ADGRA2: variants seen among roughly 807,000 people sequenced by gnomAD.
The protein encoded by ADGRA2 is adhesion G protein-coupled receptor A2.
A neutral mutation model predicts 98.7 loss-of-function variants in ADGRA2; 61 were observed. The ratio of observed to expected loss-of-function variants is 0.62; its 90% CI spans 0.50 to 0.76. The LOEUF (loss-of-function observed/expected upper bound fraction) is 0.76. Among genes scored for constraint, ADGRA2 ranks in the 30% least tolerant of loss-of-function variants. The pLI, the probability that ADGRA2 is intolerant of heterozygous loss-of-function variation, is 0.00. For missense variants in ADGRA2, 1,712 were observed against 1,860.0 expected (o/e 0.92, Z 1.46); for synonymous variants, 858 against 831.5 (o/e 1.03, Z -0.55).
chr8:37,834,145 G>A lies in ADGRA2; in HGVS notation c.1608+17G>A. ...ATCTCAGTGGTAATGGGGGTCAGCAGAGGGGGTGGCCCTGGCATGCAGAGG... is the reference window on the plus strand; with the variant it reads ...ATCTCAGTGGTAATGGGGGTCAGCAAAGGGGGTGGCCCTGGCATGCAGAGG... On this transcript the variant is annotated intron_variant, in intron 11 of 18. Coordinates refer to ENST00000412232, the MANE Select transcript of ADGRA2 (RefSeq NM_032777.10). This position sits in a 1 kb window ranked among gnomAD's most constrained non-coding sequence, Gnocchi z 4.2. The A allele has an allele frequency of 6.3e-7, 1 of 1,599,770 alleles. No individual in the cohort carries two copies. The highest frequency in any genetic ancestry group is 8.5e-7 in the Non-Finnish European group (1 of 1,172,676).
rs747711074 is a variant in ADGRA2 at position 37,828,970 on chromosome 8, C to T, written c.410+11C>T. 31 of 1,554,672 alleles carry T rather than the reference C, an allele frequency of 2.0e-5. No homozygotes were observed. The highest frequency in any genetic ancestry group is 1.9e-4 in the Middle Eastern group (1 of 5,386). On this transcript the variant is annotated intron_variant, in intron 3 of 18. Transcript: ENST00000412232. ...GGAGCTGAAGCGTTTGTGAGTGGCA[C>T]GCCCTCCCCTGACCCCACCCCTCCC... is the stretch of plus-strand genomic sequence containing the variant.
rs200841231 is a variant in ADGRA2, at chr8:37,833,116, C to T, written c.1204C>T (p.Arg402Trp). ...GGAPGTRASR[R>W]CDRAGRWEPG... ...TGCCCCGGGCACCCGAGCCTCCCGC[C>T]GGTGTGACCGTGCCGGCCGCTGGGA... Residue 402 changes from arginine to tryptophan, a missense_variant, in exon 9 of 19, where the codon CGG (arginine) becomes TGG (tryptophan). Transcript: ENST00000412232. The T allele has an allele frequency of 6.5e-4, 1,048 of 1,613,010 alleles. 1 individual carries two copies. The highest frequency in any genetic ancestry group is 1.7e-3 in the South Asian group (153 of 91,062).
intron 1 of ADGRA2, among the ~76,000 whole-genome samples, chr8:37,799,712 T>C (rs1423466186): frequency 1.3e-5 from 2 of 152,076 alleles, no homozygotes; most frequent in Non-Finnish European, 2.9e-5. Flanking sequence ...CCCAGGCCAC[T>C]GAGCCATCAG....
rs776308461 is a variant in ADGRA2, at chr8:37,838,986, G to A, written c.2290G>A (p.Gly764Ser). 1.3e-6 allele frequency: 2 copies of A among 1,577,280 alleles called. No individual in the cohort carries two copies. The highest frequency in any genetic ancestry group is 1.4e-5 in the African/African-American group (1 of 74,006). ...ELSAFPREVG[G>S]AGAGLHPVVY... The stretch of plus-strand genomic sequence containing the variant: ...GAGCGCCTTTCCCAGGGAGGTGGGG[G>A]GCGCCGGGGCAGGGCTGCACCCCGT... Residue 764 changes from glycine to serine, a missense_variant, in exon 15 of 19, where the codon GGC becomes AGC. Coordinates refer to ENST00000412232, the MANE Select transcript of ADGRA2 (RefSeq NM_032777.10).
rs1354712926 is a variant in ADGRA2, at chr8:37,835,857, GC to G, written c.2050+93del. On this transcript the variant is annotated intron_variant, in intron 13 of 18. Transcript: ENST00000412232. Reference sequence around the variant, plus strand: ...TTATCCTGCCCTTCCCTGGCCCACAGCCCCCCAGTGCCGTAGTGGAACTGAC... The same window carrying G: ...TTATCCTGCCCTTCCCTGGCCCACAGCCCCCAGTGCCGTAGTGGAACTGAC... The G allele has an allele frequency of 3.2e-5, 25 of 786,320 alleles. No individual in the cohort carries two copies. The East Asian group carries it at 5.3e-4, about 17-fold the overall frequency. The allele number at this position is 786,320 out of a possible 1,614,324, so 48.7% of individuals were successfully genotyped here.
In ADGRA2 at chr8:37,797,801, G is replaced by T. The variant is rs1398437794; in HGVS notation, c.266+267G>T. On this transcript the variant is annotated intron_variant, in intron 1 of 18. Transcript: ENST00000412232. The surrounding 1 kb of genome is among the most constrained non-coding windows in gnomAD (Gnocchi z 5.3). Reference sequence around the variant, plus strand: ...GCGCCCACTCACCTGCACAGGTGAAGTGGAGAGCACGCCTGCAGGGCACCC... The same window carrying T: ...GCGCCCACTCACCTGCACAGGTGAATTGGAGAGCACGCCTGCAGGGCACCC... 6.6e-6 allele frequency among the ~76,000 whole-genome samples: 1 copy of T among 152,202 alleles called. No homozygotes were observed.
In ADGRA2 at chr8:37,839,799, G is replaced by C. The variant is rs181895632; in HGVS notation, c.2511+177G>C. On this transcript the variant is annotated intron_variant, in intron 16 of 18. Coordinates refer to ENST00000412232, the MANE Select transcript of ADGRA2 (RefSeq NM_032777.10). The stretch of plus-strand genomic sequence containing the variant: ...GTGGGTCGTGGAGAGTGAAAGTAGG[G>C]GGTGGTAAGAACCAGATCAGAGAGA... 2.6e-5 allele frequency among the ~76,000 whole-genome samples: 4 copies of C among 152,284 alleles called. No individual in the cohort carries two copies. The East Asian group carries it at 7.7e-4, about 29-fold the overall frequency.
intron 1 of ADGRA2, among the ~76,000 whole-genome samples, chr8:37,805,713 C>CA (rs562255173): frequency 5.3e-5 from 8 of 151,838 alleles, no homozygotes; most frequent in African/African-American, 1.4e-4. Flanking sequence ...ACTAAAAATA[C>CA]AAAAAATTAG....
intron 2 of ADGRA2, among the ~76,000 whole-genome samples, chr8:37,828,481 CT>C (rs35779657): frequency 0.042 from 3,493 of 82,886 alleles, 133 homozygotes; most frequent in African/African-American, 0.16. Context: ...GGGGGTGGTT[CT>C]TTTTTTTTTT....
At chr8:37,804,386 G>A (rs1463164414) in intron 1 of ADGRA2, among the ~76,000 whole-genome samples, 1 of 152,198 alleles carries the variant, frequency 6.6e-6, no homozygotes, top group Non-Finnish European at 1.5e-5. Context: ...GGCAGCAGGG[G>A]CCCTGGAGGC....
chr8:37,811,474 CTTT>C (rs34759771), intron 1 of ADGRA2, among the ~76,000 whole-genome samples: 6 of 112,204 alleles, frequency 5.3e-5, no homozygotes, highest in Admixed American at 9.6e-5. Context: ...ACCCAGCCAA[CTTT>C]TTTTTTTTTT....
At chr8:37,822,845 C>A (rs1242955691) in intron 2 of ADGRA2, among the ~76,000 whole-genome samples, 1 of 151,996 alleles carries the variant, frequency 6.6e-6, no homozygotes, top group South Asian at 2.1e-4. Context: ...ATGACTACAC[C>A]ACATTTTGTT....
intron 2 of ADGRA2, among the ~76,000 whole-genome samples, chr8:37,816,789 G>A (rs940165173): frequency 6.6e-6 from 1 of 151,892 alleles, no homozygotes; most frequent in Non-Finnish European, 1.5e-5. Context: ...GGTGGCATGC[G>A]CCTGTAGTCC....
In ADGRA2 at chr8:37,802,056, G is replaced by A. The variant is rs1267240192; in HGVS notation, c.266+4522G>A. On this transcript the variant is annotated intron_variant, in intron 1 of 18. Transcript: ENST00000412232. The surrounding 1 kb of genome is among the most constrained non-coding windows in gnomAD (Gnocchi z 4.7). Reference sequence around the variant, plus strand: ...CCTAGGGGAGAAGAGGCTGTCTGCCGCAGGTGTGCCTAGCACGGGCTGGGT... The same window carrying A: ...CCTAGGGGAGAAGAGGCTGTCTGCCACAGGTGTGCCTAGCACGGGCTGGGT... Among the ~76,000 whole-genome samples, 3 of 152,200 alleles carry A rather than the reference G, an allele frequency of 2.0e-5. No individual in the cohort carries two copies. Among genetic ancestry groups the A allele is most frequent in the Admixed American group, 1.3e-4 (2 of 15,288 alleles).
At chr8:37,809,206 G>T (rs1804757827) in intron 1 of ADGRA2, among the ~76,000 whole-genome samples, 1 of 151,852 alleles carries the variant, frequency 6.6e-6, no homozygotes, top group Non-Finnish European at 1.5e-5. Flanking sequence ...CAAGGTGAGA[G>T]GATTGCTTGA....
chr8:37,803,046 C>T (rs918666581), intron 1 of ADGRA2, among the ~76,000 whole-genome samples: 1 of 152,178 alleles, frequency 6.6e-6, no homozygotes, highest in Admixed American at 6.5e-5. Flanking sequence ...GGCAACCCCT[C>T]GTCCTGGGGG....
At chr8:37,829,728 T>G in intron 5 of ADGRA2, 123 bp from the exon 6 acceptor site, 1 of 1,062,014 alleles carries the variant, frequency 9.4e-7, no homozygotes, top group Non-Finnish European at 1.4e-6. Context: ...GCAGAGATGG[T>G]GCACATAGAC....
chr8:37,840,934 C>T, intron 18 of ADGRA2, 85 bp downstream of exon 18: 1 of 1,136,592 alleles, frequency 8.8e-7, no homozygotes, highest in Non-Finnish European at 1.3e-6. Context: ...CTGCCAGGTC[C>T]ACCCAGCCAT....
chr8:37,828,481 C>CTTTTTT (rs35779657), intron 2 of ADGRA2, among the ~76,000 whole-genome samples: 19 of 82,968 alleles, frequency 2.3e-4, no homozygotes, highest in East Asian at 4.2e-4. Context: ...GGGGGTGGTT[C>CTTTTTT]TTTTTTTTTT....
Sources: gnomAD v4.1 joint callset for allele counts (sites outside exome capture counted in the v4.1 genomes callset) on GRCh38, gnomAD v4.1.1 for gene constraint, Gnocchi (gnomAD v3.1) non-coding constraint, MANE v1.5 for transcripts, NCBI Gene and HGNC (gene_info 2026-07-23, HGNC 2026-07-21) for gene names.